NUP37: variants seen among roughly 807,000 people sequenced by gnomAD.
NUP37 encodes nucleoporin Nup37.
Under a neutral mutation model 45.4 loss-of-function variants are expected in NUP37, and 33 were observed. That is an observed-to-expected ratio of 0.73 (90% CI 0.55 to 0.97). NUP37 has a LOEUF of 0.97. Ranked by LOEUF, NUP37 falls within the 50% of genes least tolerant of loss-of-function variation. The probability of loss-of-function intolerance (pLI) is 0.00; values close to 1 mark genes in which losing one functional copy is unlikely to be tolerated. For missense variants in NUP37, 365 were observed against 389.7 expected, an observed-to-expected ratio of 0.94 and a Z score of 0.53; for synonymous variants, 127 against 130.7, an observed-to-expected ratio of 0.97 and a Z score of 0.19.
intron 4 of NUP37, among the ~76,000 whole-genome samples, chr12:102,100,298 CTT>C (rs1436744159): frequency 6.6e-6 from 1 of 152,098 alleles, no homozygotes; most frequent in Non-Finnish European, 1.5e-5. Flanking sequence ...TGTAATTTAT[CTT>C]TGTTTTATAA....
intron 3 of NUP37, among the ~76,000 whole-genome samples, chr12:102,105,189 C>T (rs988663380): frequency 1.3e-5 from 2 of 152,172 alleles, no homozygotes; most frequent in Non-Finnish European, 2.9e-5. Context: ...CTGTGCACTA[C>T]ATTAGCATTT....
At chr12:102,117,109 C>G (rs552046114) in intron 2 of NUP37, among the ~76,000 whole-genome samples, 1 of 152,042 alleles carries the variant, frequency 6.6e-6, no homozygotes, top group Non-Finnish European at 1.5e-5. Flanking sequence ...GAAAATTGGA[C>G]ACTTCCAAAT....
At chr12:102,089,621 C>T (rs185958249) in intron 5 of NUP37, among the ~76,000 whole-genome samples, 5,307 of 145,784 alleles carry the variant, frequency 0.036, 134 homozygotes, top group African/African-American at 0.067. Flanking sequence ...AGGGCAGAGG[C>T]GCTCCTCACA....
chr12:102,094,609 CAG>C (rs1277155277), intron 5 of NUP37, among the ~76,000 whole-genome samples: 2 of 152,048 alleles, frequency 1.3e-5, no homozygotes, highest in African/African-American at 4.8e-5. Context: ...ATGTGGTACA[CAG>C]AACAAATTTG....
At chr12:102,105,247 G>C (rs942424810) in intron 3 of NUP37, among the ~76,000 whole-genome samples, 9 of 152,112 alleles carry the variant, frequency 5.9e-5, no homozygotes. Context: ...TGCCATGGCC[G>C]GGTGCAATGG....
chr12:102,100,732 C>G (rs995378390), intron 4 of NUP37, among the ~76,000 whole-genome samples: 3 of 152,176 alleles, frequency 2.0e-5, no homozygotes, highest in Non-Finnish European at 2.9e-5. Context: ...ATGGTCATGT[C>G]TATTATACTC....
intron 5 of NUP37, among the ~76,000 whole-genome samples, chr12:102,097,926 C>T (rs530009438): frequency 6.6e-6 from 1 of 152,206 alleles, no homozygotes; most frequent in East Asian, 1.9e-4. Flanking sequence ...GACTCTATCA[C>T]TTTAAAAAGA....
chr12:102,096,377 C>T (rs931534551), intron 5 of NUP37, among the ~76,000 whole-genome samples: 13 of 152,046 alleles, frequency 8.6e-5, no homozygotes, highest in African/African-American at 1.2e-4. Flanking sequence ...GTTCACAGTA[C>T]GACTCTTTAT....
intron 5 of NUP37, among the ~76,000 whole-genome samples, chr12:102,098,802 G>A (rs1410125522): frequency 6.6e-6 from 1 of 152,178 alleles, no homozygotes; most frequent in African/African-American, 2.4e-5. Context: ...AAAGAGCTGA[G>A]ATTATAGGCA....
chr12:102,083,475 A>T (rs1879386934), intron 6 of NUP37, among the ~76,000 whole-genome samples: 1 of 152,194 alleles, frequency 6.6e-6, no homozygotes, highest in African/African-American at 2.4e-5. Context: ...CAGTCTGGGG[A>T]TTATCTCCTC....
intron 3 of NUP37, among the ~76,000 whole-genome samples, chr12:102,102,946 A>G (rs1880017270): frequency 1.3e-5 from 2 of 152,034 alleles, no homozygotes; most frequent in African/African-American, 4.8e-5. Context: ...ATCTTATTCT[A>G]TTGGTCAAGG....
chr12:102,116,727 G>A (rs1880472541), intron 2 of NUP37, among the ~76,000 whole-genome samples: 1 of 152,164 alleles, frequency 6.6e-6, no homozygotes, highest in African/African-American at 2.4e-5. Flanking sequence ...AATTGCCGCT[G>A]GGCATGGTGG....
chr12:102,116,775 C>A (rs371982779), intron 2 of NUP37, among the ~76,000 whole-genome samples: 1 of 151,708 alleles, frequency 6.6e-6, no homozygotes, highest in Non-Finnish European at 1.5e-5. Flanking sequence ...GAGGCTGAGG[C>A]GGGCGGATCA....
At chr12:102,095,027 T>C (rs1879762712) in intron 5 of NUP37, among the ~76,000 whole-genome samples, 1 of 152,104 alleles carries the variant, frequency 6.6e-6, no homozygotes, top group Non-Finnish European at 1.5e-5. Context: ...TGTATTTCTT[T>C]TGTATCCCCC....
At chr12:102,109,098 C>T (rs1001603777) in intron 3 of NUP37, among the ~76,000 whole-genome samples, 1 of 152,152 alleles carries the variant, frequency 6.6e-6, no homozygotes, top group Non-Finnish European at 1.5e-5. Context: ...CCTTGTGTTG[C>T]CCCACTTTTC....
intron 5 of NUP37, among the ~76,000 whole-genome samples, chr12:102,089,952 T>C (rs1477913010): frequency 6.6e-6 from 1 of 152,110 alleles, no homozygotes; most frequent in Non-Finnish European, 1.5e-5. Flanking sequence ...GATACCCACA[T>C]ACGATCACAT....
At chr12:102,078,350 G>A (rs1879239864) in intron 6 of NUP37, among the ~76,000 whole-genome samples, 1 of 151,842 alleles carries the variant, frequency 6.6e-6, no homozygotes, top group South Asian at 2.1e-4. Flanking sequence ...AAGATTTTGA[G>A]ATTTGGTAGA....
chr12:102,086,306 C>T (rs1434221609), intron 5 of NUP37, among the ~76,000 whole-genome samples: 1 of 152,154 alleles, frequency 6.6e-6, no homozygotes, highest in East Asian at 1.9e-4. Context: ...AAACAACATA[C>T]AGAGAAGCTA....
chr12:102,107,789 T>C (rs905451857), intron 3 of NUP37, among the ~76,000 whole-genome samples: 4 of 152,136 alleles, frequency 2.6e-5, no homozygotes, highest in African/African-American at 9.7e-5. Context: ...AGAAAGTTCA[T>C]AAGCAGGCAA....
Sources: allele counts gnomAD v4.1 joint callset (sites outside exome capture counted in the v4.1 genomes callset), GRCh38; gene constraint gnomAD v4.1.1; transcripts MANE v1.5; gene names NCBI Gene and HGNC (gene_info 2026-07-23, HGNC 2026-07-21).